The following HYAL4 variants were observed in gnomAD, a reference collection of about 807,000 sequenced individuals.
HYAL4 encodes the protein hyaluronidase-4.
Under a neutral mutation model 35.2 loss-of-function variants are expected in HYAL4, and 37 were observed. The ratio of observed to expected loss-of-function variants is 1.05; its 90% CI spans 0.81 to 1.38. The LOEUF (loss-of-function observed/expected upper bound fraction) is 1.38, where lower values mean the gene tolerates loss of function less well. Ranked by LOEUF, HYAL4 falls within the 40% of genes most tolerant of loss-of-function variation. The probability of loss-of-function intolerance (pLI) is 0.00; values close to 1 mark genes in which losing one functional copy is unlikely to be tolerated. For missense variants in HYAL4, 572 were observed against 572.4 expected (o/e 1.00, Z 0.01); for synonymous variants, 198 against 203.2 (o/e 0.97, Z 0.22).
chr7:123,810,308 T>C, the HYAL4 span, among the ~76,000 whole-genome samples: 2 of 152,002 alleles, frequency 1.3e-5, no homozygotes, highest in Non-Finnish European at 2.9e-5. Flanking sequence ...ATGAAAAAGT[T>C]GAAAGACAAC....
At chr7:123,852,046 A>C (rs989535189) in intron 2 of HYAL4, among the ~76,000 whole-genome samples, 1 of 152,108 alleles carries the variant, frequency 6.6e-6, no homozygotes, top group African/African-American at 2.4e-5. Flanking sequence ...CCTTTTGAGA[A>C]GTTTCTGATT....
At chr7:123,775,525 CTTG>C in the HYAL4 span, among the ~76,000 whole-genome samples, 5 of 152,188 alleles carry the variant, frequency 3.3e-5, no homozygotes, top group South Asian at 6.2e-4. Flanking sequence ...TCAGAAACAA[CTTG>C]TTGTTAGTCT....
intron 3 of HYAL4, 37 bp downstream of exon 3, chr7:123,869,264 C>G (rs1473115756): frequency 7.6e-7 from 1 of 1,322,652 alleles, no homozygotes; most frequent in East Asian, 2.4e-5. Context: ...GGGATTTCCT[C>G]CTTATCTCTA....
intron 1 of HYAL4, among the ~76,000 whole-genome samples, chr7:123,837,992 T>G (rs1429468300): frequency 1.3e-5 from 2 of 152,178 alleles, no homozygotes; most frequent in East Asian, 3.8e-4. Flanking sequence ...TGTGCATGTG[T>G]CTTTATAGCA....
At chr7:123,842,580 T>A (rs1263972984), upstream of HYAL4, among the ~76,000 whole-genome samples, 4 of 152,008 alleles carry the variant, frequency 2.6e-5, no homozygotes, top group Non-Finnish European at 5.9e-5. Context: ...TTGATCTGTC[T>A]AATATTGACA....
upstream of HYAL4, among the ~76,000 whole-genome samples, chr7:123,824,619 G>GAACAATGCAT (rs1455510516): frequency 6.6e-6 from 1 of 151,950 alleles, no homozygotes; most frequent in Non-Finnish European, 1.5e-5. Context: ...TCTCTGCTTT[G>GAACAATGCAT]AACAATGCAG....
chr7:123,777,540 T>G, the HYAL4 span, among the ~76,000 whole-genome samples: 1 of 152,206 alleles, frequency 6.6e-6, no homozygotes, highest in South Asian at 2.1e-4. Context: ...TACTTTTTAA[T>G]TCACACGTGC....
chr7:123,833,982 C>T (rs887268046), intron 1 of HYAL4, among the ~76,000 whole-genome samples: 2 of 152,044 alleles, frequency 1.3e-5, no homozygotes, highest in African/African-American at 2.4e-5. Flanking sequence ...GTTTTGGTGA[C>T]GATGGTCTTA....
At position 123,869,138 on chromosome 7, in the gene HYAL4, TCCA is replaced by T. The variant is rs762122894; in HGVS notation, c.869_871del (p.Thr290del). 1.9e-6 allele frequency: 3 copies of T among 1,614,032 alleles called. No homozygotes were observed. Among genetic ancestry groups the T allele is most frequent in the Middle Eastern group, 1.6e-4 (1 of 6,084 alleles). ...TCGGGTGCATGAATCCATGAGGATC[TCCA>T]CCATGACATCTCATGATTATGCTCT... is the stretch of plus-strand genomic sequence containing the variant. On this transcript the variant is annotated inframe_deletion, in exon 3 of 5. Transcript: ENST00000223026.
chr7:123,764,645 A>G, the HYAL4 span, among the ~76,000 whole-genome samples: 1 of 152,144 alleles, frequency 6.6e-6, no homozygotes, highest in Admixed American at 6.5e-5. Flanking sequence ...GTTTTAAGAA[A>G]CTTTCCTTGT....
At chr7:123,764,079 C>G in the HYAL4 span, among the ~76,000 whole-genome samples, 2 of 152,268 alleles carry the variant, frequency 1.3e-5, no homozygotes, top group Admixed American at 6.5e-5. Context: ...ACTCCTTGGG[C>G]TCAGGTGATG....
Position 123,877,471 on chromosome 7 carries a change from A to G in HYAL4, c.*316A>G, listed in dbSNP as rs1037300155. ...TATACATAAAAATATTAAATTATTC[A>G]TTTCAAAGACTGTTTTTTCAAGTTG... On this transcript the variant is annotated 3_prime_UTR_variant, in exon 5 of 5. Coordinates refer to ENST00000223026, the MANE Select transcript of HYAL4 (RefSeq NM_012269.3). 1 of 201,466 alleles carries G rather than the reference A, an allele frequency of 5.0e-6. No individual in the cohort carries two copies. The highest frequency in any genetic ancestry group is 2.3e-5 in the African/African-American group (1 of 42,946). 12.5% of individuals were successfully genotyped at this position (201,466 alleles called of 1,614,324 possible).
chr7:123,833,990 TTATAG>T (rs1314245591), intron 1 of HYAL4, among the ~76,000 whole-genome samples: 3 of 152,178 alleles, frequency 2.0e-5, no homozygotes, highest in African/African-American at 4.8e-5. Context: ...GACGATGGTC[TTATAG>T]TATAGTTTGA....
chr7:123,799,871 GA>G, the HYAL4 span, among the ~76,000 whole-genome samples: 1 of 151,904 alleles, frequency 6.6e-6, no homozygotes, highest in African/African-American at 2.4e-5. Flanking sequence ...ACTAAAAATA[GA>G]AGTCTTGCCT....
chr7:123,807,150 C>T, the HYAL4 span, among the ~76,000 whole-genome samples: 20 of 152,024 alleles, frequency 1.3e-4, no homozygotes, highest in Admixed American at 3.3e-4. Flanking sequence ...TTTATTTCTT[C>T]GAAAAGAATC....
At position 123,848,170 on chromosome 7, in the gene HYAL4, T is replaced by C. The variant is rs911382277; in HGVS notation, c.-52+12T>C. On this transcript the variant is annotated intron_variant, in intron 2 of 4. Transcript: ENST00000223026. ...AAACAAAAGCAAAGGTAAAATAGAC[T>C]TTTTTTTCCTGTTTGTAAAAATTTT... 1 of 152,480 alleles carries C rather than the reference T, an allele frequency of 6.6e-6. No homozygotes were observed. Among genetic ancestry groups the C allele is most frequent in the African/African-American group, 2.4e-5 (1 of 41,402 alleles). 9.4% of individuals were successfully genotyped at this position (152,480 alleles called of 1,614,324 possible).
At chr7:123,767,192 G>T in the HYAL4 span, among the ~76,000 whole-genome samples, 6 of 152,030 alleles carry the variant, frequency 3.9e-5, no homozygotes. Flanking sequence ...CATATATTTG[G>T]TTCTGATTTT....
chr7:123,853,486 CAT>C (rs1272514565), intron 2 of HYAL4, among the ~76,000 whole-genome samples: 7 of 152,280 alleles, frequency 4.6e-5, no homozygotes, highest in Admixed American at 3.3e-4. Flanking sequence ...TTGAGATAAT[CAT>C]GTGGTTTTTG....
intron 2 of HYAL4, among the ~76,000 whole-genome samples, chr7:123,866,675 A>G (rs1049270029): frequency 6.6e-6 from 1 of 152,198 alleles, no homozygotes; most frequent in African/African-American, 2.4e-5. Flanking sequence ...CTTTTACAAA[A>G]ATAATTTCAT....
Sources: allele counts gnomAD v4.1 joint callset (sites outside exome capture counted in the v4.1 genomes callset), GRCh38; gene constraint gnomAD v4.1.1; transcripts MANE v1.5; gene names NCBI Gene and HGNC (gene_info 2026-07-23, HGNC 2026-07-21).